PTPRG: variants seen among roughly 807,000 people sequenced by gnomAD.
The protein encoded by PTPRG is receptor-type tyrosine-protein phosphatase gamma.
In PTPRG, 102 loss-of-function variants were observed where a neutral mutation model predicts 165.3. That is an observed-to-expected ratio of 0.62 (90% CI 0.53 to 0.73). The LOEUF (loss-of-function observed/expected upper bound fraction) is 0.73. Among genes scored for constraint, PTPRG ranks in the 30% least tolerant of loss-of-function variants. The pLI, the probability that PTPRG is intolerant of heterozygous loss-of-function variation, is 0.00. For missense variants in PTPRG, 1,866 were observed against 1,861.4 expected (o/e 1.00, Z -0.05); for synonymous variants, 675 against 669.5 (o/e 1.01, Z -0.13).
chr3:61,722,593 A>G (rs189507470), intron 1 of PTPRG, among the ~76,000 whole-genome samples: 15 of 152,304 alleles, frequency 9.8e-5, no homozygotes, highest in African/African-American at 3.4e-4. Flanking sequence ...GTCTTCCTGC[A>G]AGGCTTATAT....
chr3:62,281,537 G>GGTT, intron 26 of PTPRG, 26 bp from the exon 27 acceptor site: 1 of 174,778 alleles, frequency 5.7e-6, no homozygotes, highest in Non-Finnish European at 8.2e-6. Context: ...AACTGCAGAG[G>GGTT]CTTTTTTTTT....
intron 2 of PTPRG, among the ~76,000 whole-genome samples, chr3:61,754,797 A>C (rs2033577574): frequency 6.6e-6 from 1 of 152,226 alleles, no homozygotes. Context: ...ATGTCTGTAC[A>C]GGATAAAGCA....
intron 1 of PTPRG, among the ~76,000 whole-genome samples, chr3:61,710,243 C>T (rs1209295061): frequency 6.6e-6 from 1 of 152,180 alleles, no homozygotes; most frequent in Middle Eastern, 3.2e-3. Flanking sequence ...TTTCTGCTTA[C>T]ATGTTTTAAT....
intron 1 of PTPRG, among the ~76,000 whole-genome samples, chr3:61,628,913 C>G (rs940624460): frequency 2.0e-5 from 3 of 152,152 alleles, no homozygotes; most frequent in Admixed American, 1.3e-4. Flanking sequence ...TTGGTAAACA[C>G]CCAGGTCTGT....
intron 1 of PTPRG, among the ~76,000 whole-genome samples, chr3:61,706,410 C>A (rs1407030908): frequency 6.6e-6 from 1 of 151,990 alleles, no homozygotes; most frequent in Non-Finnish European, 1.5e-5. Context: ...AAGCTAACAG[C>A]CCAAATTCCT....
intron 1 of PTPRG, among the ~76,000 whole-genome samples, chr3:61,646,963 G>A (rs1245971697): frequency 6.6e-6 from 1 of 152,214 alleles, no homozygotes; most frequent in Non-Finnish European, 1.5e-5. Flanking sequence ...TTCCTGAGCA[G>A]TATTCCATGG....
intron 4 of PTPRG, among the ~76,000 whole-genome samples, chr3:62,070,724 T>G (rs1001122648): frequency 2.6e-5 from 4 of 152,140 alleles, no homozygotes; most frequent in African/African-American, 9.7e-5. Flanking sequence ...ATCCTACGCA[T>G]GTCATCAAAA....
At chr3:62,038,389 T>C (rs1171844077) in intron 4 of PTPRG, among the ~76,000 whole-genome samples, 2 of 152,162 alleles carry the variant, frequency 1.3e-5, no homozygotes, top group Admixed American at 6.6e-5. Context: ...TTATGCTTTT[T>C]TCTTTATTTT....
chr3:62,257,851 C>T (rs577751508), intron 16 of PTPRG, among the ~76,000 whole-genome samples: 1 of 152,114 alleles, frequency 6.6e-6, no homozygotes, highest in East Asian at 1.9e-4. Context: ...CCTAGCTATT[C>T]AGAGGCTGAG....
chr3:61,720,838 A>C (rs190239204), intron 1 of PTPRG, among the ~76,000 whole-genome samples: 230 of 152,364 alleles, frequency 1.5e-3, no homozygotes, highest in Non-Finnish European at 2.6e-3. Flanking sequence ...GAGGCTTTAG[A>C]AATATTATCC....
intron 2 of PTPRG, among the ~76,000 whole-genome samples, chr3:61,846,186 T>C (rs1415264003): frequency 2.0e-5 from 3 of 152,238 alleles, no homozygotes; most frequent in Non-Finnish European, 1.5e-5. Flanking sequence ...TGATTTGCTG[T>C]ATTTTATTAT....
intron 2 of PTPRG, among the ~76,000 whole-genome samples, chr3:61,859,482 A>T (rs1011858206): frequency 6.6e-6 from 1 of 152,098 alleles, no homozygotes; most frequent in Non-Finnish European, 1.5e-5. Flanking sequence ...TCTTCCCCCT[A>T]TGCCTCTGTC....
At chr3:61,860,836 G>T (rs2037247090) in intron 2 of PTPRG, among the ~76,000 whole-genome samples, 1 of 151,670 alleles carries the variant, frequency 6.6e-6, no homozygotes, top group African/African-American at 2.4e-5. Context: ...CTTTTCCCAG[G>T]GTGTGTGTGT....
chr3:62,049,120 C>A (rs1195503195), intron 4 of PTPRG, among the ~76,000 whole-genome samples: 25 of 136,560 alleles, frequency 1.8e-4, no homozygotes, highest in Middle Eastern at 3.8e-3. Context: ...CAAAACAAAA[C>A]AAAAAAAAAA....
intron 2 of PTPRG, among the ~76,000 whole-genome samples, chr3:61,755,619 G>A (rs1482614646): frequency 1.3e-5 from 2 of 152,208 alleles, no homozygotes; most frequent in Admixed American, 6.5e-5. Context: ...CCATAAAATT[G>A]CTGTTGCCAG....
chr3:61,873,345 T>A (rs1233665103), intron 2 of PTPRG, among the ~76,000 whole-genome samples: 1 of 152,248 alleles, frequency 6.6e-6, no homozygotes, highest in Non-Finnish European at 1.5e-5. Context: ...TCAGTGTGGA[T>A]ACATTTTTAG....
chr3:61,613,515 C>T lies in PTPRG; in HGVS notation c.85+51143C>T, dbSNP rs555006304. ...GTGTTGAGTCAAATGAACATTCTCT[C>T]AAGGTTAAATTATCTATTTAAAACC... On this transcript the variant is annotated intron_variant, in intron 1 of 29. Coordinates refer to ENST00000474889, the MANE Select transcript of PTPRG (RefSeq NM_002841.4). 3.3e-4 allele frequency among the ~76,000 whole-genome samples: 51 copies of T among 152,262 alleles called. No homozygotes were observed. In the South Asian group the frequency reaches 0.01, roughly 31 times the overall value.
chr3:62,038,627 C>G (rs1387678030), intron 4 of PTPRG, among the ~76,000 whole-genome samples: 2 of 152,166 alleles, frequency 1.3e-5, no homozygotes, highest in Non-Finnish European at 2.9e-5. Flanking sequence ...GACTCCTGGG[C>G]TGAAGTAATC....
At chr3:61,770,041 A>G (rs2034160843) in intron 2 of PTPRG, 2 of 152,198 alleles carry the variant, frequency 1.3e-5, no homozygotes, top group African/African-American at 2.4e-5. Flanking sequence ...AAGCTTATTT[A>G]GCCAATTCCA....
Sources: allele counts gnomAD v4.1 joint callset (sites outside exome capture counted in the v4.1 genomes callset), GRCh38; gene constraint gnomAD v4.1.1; transcripts MANE v1.5; gene names NCBI Gene and HGNC (gene_info 2026-07-23, HGNC 2026-07-21).